Variants in ACYP2 observed in about 807,000 individuals in gnomAD.
ACYP2 encodes acylphosphatase-2.
ACYP2 carries 12 observed loss-of-function variants against 11.2 expected under a neutral mutation model. The observed-to-expected ratio is 1.08, with a 90% CI of 0.69 to 1.74. The LOEUF (loss-of-function observed/expected upper bound fraction) is 1.74, where lower values mean the gene tolerates loss of function less well. Ranked by LOEUF, ACYP2 falls within the 40% of genes most tolerant of loss-of-function variation. ACYP2 has a pLI of 0.00. For missense variants in ACYP2, 134 were observed against 101.9 expected (o/e 1.31, Z -1.35); for synonymous variants, 43 against 32.2 (o/e 1.33, Z -1.13).
intron 6 of ACYP2, among the ~76,000 whole-genome samples, chr2:54,282,109 T>G (rs1209102742): frequency 1.3e-5 from 2 of 152,264 alleles, no homozygotes; most frequent in East Asian, 3.8e-4. Flanking sequence ...GTGAAATATA[T>G]GTTAATTTAA....
intron 6 of ACYP2, among the ~76,000 whole-genome samples, chr2:54,237,565 A>G (rs751114144): frequency 5.0e-4 from 76 of 152,152 alleles, no homozygotes; most frequent in Non-Finnish European, 1.3e-4. Context: ...TTCCTTCGGC[A>G]CTTTGAAGAT....
intron 2 of ACYP2, chr2:54,029,867 T>G (rs1674490659): frequency 2.0e-5 from 6 of 296,604 alleles, no homozygotes; most frequent in Non-Finnish European, 3.8e-5. Flanking sequence ...TCTTACAGAT[T>G]TGTTCCCAGA....
At chr2:54,170,214 G>A (rs570432734) in intron 6 of ACYP2, among the ~76,000 whole-genome samples, 3 of 152,168 alleles carry the variant, frequency 2.0e-5, no homozygotes, top group East Asian at 1.9e-4. Context: ...GTGCAGTGGC[G>A]CGATCTTGGC....
chr2:54,125,666 C>G (rs970081291), intron 4 of ACYP2, among the ~76,000 whole-genome samples: 2 of 152,078 alleles, frequency 1.3e-5, no homozygotes, highest in Non-Finnish European at 2.9e-5. Flanking sequence ...AGGAGAATTG[C>G]TTGAACCTGG....
intron 2 of ACYP2, among the ~76,000 whole-genome samples, chr2:54,041,093 CTT>C (rs376104718): frequency 1.3e-4 from 13 of 103,034 alleles, no homozygotes; most frequent in African/African-American, 5.2e-4. Context: ...CTCTCTCTCT[CTT>C]TCTTTCTTTC....
At chr2:54,027,177 T>C (rs1010064204) in intron 2 of ACYP2, among the ~76,000 whole-genome samples, 4 of 152,314 alleles carry the variant, frequency 2.6e-5, no homozygotes, top group African/African-American at 9.6e-5. Flanking sequence ...TAGGGTAGTT[T>C]GAAAACTGAG....
chr2:54,038,432 A>T (rs978100955), intron 2 of ACYP2, among the ~76,000 whole-genome samples: 1 of 151,892 alleles, frequency 6.6e-6, no homozygotes, highest in Non-Finnish European at 1.5e-5. Flanking sequence ...ATATGTATGT[A>T]TTTTATTTAC....
chr2:54,041,873 C>G (rs936154725), intron 2 of ACYP2, among the ~76,000 whole-genome samples: 3 of 152,108 alleles, frequency 2.0e-5, no homozygotes, highest in African/African-American at 4.8e-5. Flanking sequence ...TCACTGCAGC[C>G]TCAACCTCCT....
At chr2:54,042,684 C>T (rs995447826) in intron 2 of ACYP2, among the ~76,000 whole-genome samples, 8 of 151,874 alleles carry the variant, frequency 5.3e-5, no homozygotes, top group Non-Finnish European at 7.4e-5. Flanking sequence ...TCAAGGGGCA[C>T]GATGGTGAGG....
chr2:54,153,276 C>A (rs1038038625), intron 6 of ACYP2, among the ~76,000 whole-genome samples: 1 of 151,298 alleles, frequency 6.6e-6, no homozygotes, highest in African/African-American at 2.4e-5. Context: ...AAAAAAAAAT[C>A]AGTTGACTGT....
chr2:54,161,322 G>T (rs147636232), intron 6 of ACYP2, among the ~76,000 whole-genome samples: 4 of 152,154 alleles, frequency 2.6e-5, no homozygotes, highest in Non-Finnish European at 5.9e-5. Flanking sequence ...TGGGGGCTGG[G>T]ACCCGTGCAT....
chr2:54,181,146 T>G (rs55993481), intron 6 of ACYP2, among the ~76,000 whole-genome samples: 31,274 of 152,092 alleles, frequency 0.21, 3,418 homozygotes, highest in East Asian at 0.41. Flanking sequence ...GCTGTGAACA[T>G]CTAGAAAAAT....
chr2:53,989,856 G>A (rs1029338641), intron 2 of ACYP2, among the ~76,000 whole-genome samples: 1 of 152,096 alleles, frequency 6.6e-6, no homozygotes, highest in African/African-American at 2.4e-5. Context: ...GTTGGTGGTG[G>A]CAGCAGCATC....
At chr2:54,206,217 T>A (rs1330657544) in intron 6 of ACYP2, among the ~76,000 whole-genome samples, 1 of 152,252 alleles carries the variant, frequency 6.6e-6, no homozygotes, top group Admixed American at 6.5e-5. Context: ...GATTTTAAGT[T>A]TGGGGCCTTG....
At chr2:54,148,852 TGTTGCAAAAATA>T (rs1254266381) in intron 6 of ACYP2, among the ~76,000 whole-genome samples, 5 of 152,344 alleles carry the variant, frequency 3.3e-5, no homozygotes, top group South Asian at 2.1e-4. Context: ...CAATAAGAGA[TGTTGCAAAAATA>T]GTTGCAAAGT....
At position 54,201,680 on chromosome 2, in the gene ACYP2, T is replaced by TTCTTTCTTTCTTTCTTTCTTTCTC. The variant is rs1395606887; in HGVS notation, c.404+62935_404+62936insTTCTTTCTTTCTTTCTTTCTCTCT. Reference sequence around the variant, plus strand: ...TTTCTTTCTTTCTTTCTTTCTTTCTTTCTCTCTCTCTCTCTCTCTTTTTTC... The same window carrying TTCTTTCTTTCTTTCTTTCTTTCTC: ...TTTCTTTCTTTCTTTCTTTCTTTCTTTCTTTCTTTCTTTCTTTCTTTCTCTCTCTCTCTCTCTCTCTCTTTTTTC... On this transcript the variant is annotated intron_variant, in intron 6 of 6. Coordinates refer to ENST00000607452, the MANE Select transcript of ACYP2 (RefSeq NM_001320586.2). Among the ~76,000 whole-genome samples the TTCTTTCTTTCTTTCTTTCTTTCTC allele has an allele frequency of 2.9e-3, 315 of 107,246 alleles. 1 individual carries two copies. Among genetic ancestry groups the TTCTTTCTTTCTTTCTTTCTTTCTC allele is most frequent in the Middle Eastern group, 4.3e-3 (1 of 230 alleles). The allele number at this position is 107,246 out of a possible 152,430, so 70.4% of individuals were successfully genotyped here.
intron 4 of ACYP2, among the ~76,000 whole-genome samples, chr2:54,108,482 A>AT: frequency 6.6e-6 from 1 of 152,310 alleles, no homozygotes; most frequent in Admixed American, 6.5e-5. Context: ...ACTAAGAAGA[A>AT]ATCAGGACGA....
intron 6 of ACYP2, among the ~76,000 whole-genome samples, chr2:54,211,956 C>T (rs753910897): frequency 6.6e-5 from 10 of 152,150 alleles, no homozygotes; most frequent in Middle Eastern, 3.4e-3. Flanking sequence ...TAATTTATTT[C>T]GGGCAGGATT....
intron 2 of ACYP2, among the ~76,000 whole-genome samples, chr2:54,023,637 T>G (rs185069856): frequency 2.6e-4 from 39 of 152,324 alleles, no homozygotes; most frequent in African/African-American, 8.9e-4. Flanking sequence ...TTCATGGGCG[T>G]ACTGCATTTA....
Sources: gnomAD v4.1 joint callset for allele counts (sites outside exome capture counted in the v4.1 genomes callset) on GRCh38, gnomAD v4.1.1 for gene constraint, MANE v1.5 for transcripts, NCBI Gene and HGNC (gene_info 2026-07-23, HGNC 2026-07-21) for gene names.